MMP26: variants seen among roughly 807,000 people sequenced by gnomAD.
MMP26 encodes matrix metalloproteinase-26.
MMP26 carries 33 observed loss-of-function variants against 31.0 expected under a neutral mutation model. The ratio of observed to expected loss-of-function variants is 1.06; its 90% CI spans 0.81 to 1.42. The LOEUF is 1.42. Among genes scored for constraint, MMP26 ranks in the 40% most tolerant of loss-of-function variants. The pLI is 0.00. For missense variants in MMP26, 347 were observed against 316.1 expected, an observed-to-expected ratio of 1.10 and a Z score of -0.74; for synonymous variants, 122 against 114.9, an observed-to-expected ratio of 1.06 and a Z score of -0.40.
chr11:4,908,395 G>T, intron 2 of MMP26: 1 of 1,094,112 alleles, frequency 9.1e-7, no homozygotes, highest in Non-Finnish European at 1.4e-6. Context: ...AGTCACTAAT[G>T]AAGGACTGGA....
intron 2 of MMP26, among the ~76,000 whole-genome samples, chr11:4,805,392 G>A (rs1849253364): frequency 6.6e-6 from 1 of 152,162 alleles, no homozygotes; most frequent in Admixed American, 6.5e-5. Flanking sequence ...GGCCTATACT[G>A]TCTGTTGCAG....
intron 2 of MMP26, among the ~76,000 whole-genome samples, chr11:4,966,478 T>C (rs1048509468): frequency 2.0e-5 from 3 of 152,186 alleles, no homozygotes; most frequent in African/African-American, 7.2e-5. Flanking sequence ...TGAATGGCTC[T>C]GGTTAAACTG....
chr11:4,717,956 A>T (rs1847957817), intron 1 of MMP26, among the ~76,000 whole-genome samples: 1 of 152,166 alleles, frequency 6.6e-6, no homozygotes, highest in African/African-American at 2.4e-5. Context: ...ATATATTCTA[A>T]TTCTGGCTTA....
chr11:4,757,131 T>C (rs1848514413), intron 1 of MMP26, among the ~76,000 whole-genome samples: 1 of 152,108 alleles, frequency 6.6e-6, no homozygotes, highest in South Asian at 2.1e-4. Context: ...AGGACAGTCA[T>C]ACAGATTAAT....
intron 1 of MMP26, among the ~76,000 whole-genome samples, chr11:4,765,802 T>C (rs1471765655): frequency 1.3e-5 from 2 of 152,234 alleles, no homozygotes; most frequent in Non-Finnish European, 2.9e-5. Context: ...CTGTGCACTT[T>C]TATGGAAAAT....
chr11:4,849,573 AT>A (rs1240591889), intron 2 of MMP26, among the ~76,000 whole-genome samples: 1 of 151,504 alleles, frequency 6.6e-6, no homozygotes, highest in Non-Finnish European at 1.5e-5. Context: ...ATTTATCCAT[AT>A]TTTTTTCTCT....
At position 4,836,427 on chromosome 11, in the gene MMP26, A is replaced by G. The variant is rs1235520972; in HGVS notation, c.-145+69086A>G. Among the ~76,000 whole-genome samples, 5 of 150,686 alleles carry G rather than the reference A, an allele frequency of 3.3e-5. No homozygotes were observed. The East Asian group carries it at 9.7e-4, about 29-fold the overall frequency. ...CAGATATACATTGTATATTATATAT[A>G]CACAATATTATATATACATATAATT... On this transcript the variant is annotated intron_variant, in intron 2 of 7. Coordinates refer to ENST00000380390, the MANE Select transcript of MMP26 (RefSeq NM_021801.5).
intron 2 of MMP26, among the ~76,000 whole-genome samples, chr11:4,782,220 T>C (rs1435132192): frequency 1.3e-5 from 2 of 152,190 alleles, no homozygotes. Context: ...CCCTAGGGTC[T>C]TGTTGAATGG....
chr11:4,938,528 C>T (rs933222649), intron 2 of MMP26, among the ~76,000 whole-genome samples: 2 of 151,974 alleles, frequency 1.3e-5, no homozygotes, highest in African/African-American at 2.4e-5. Flanking sequence ...TGCTTCCTCA[C>T]CCAGGAGTTT....
intron 2 of MMP26, among the ~76,000 whole-genome samples, chr11:4,872,719 A>T: frequency 6.6e-6 from 1 of 151,950 alleles, no homozygotes; most frequent in East Asian, 1.9e-4. Flanking sequence ...AGAGTATGGA[A>T]GTGAAGTTCA....
chr11:4,850,616 AAAAC>A (rs1849961485), intron 2 of MMP26, among the ~76,000 whole-genome samples: 1 of 152,158 alleles, frequency 6.6e-6, no homozygotes, highest in Non-Finnish European at 1.5e-5. Context: ...GTAAAATAAA[AAAAC>A]TTGCTAGGTT....
At chr11:4,820,912 C>G (rs1475743897) in intron 2 of MMP26, among the ~76,000 whole-genome samples, 3 of 152,002 alleles carry the variant, frequency 2.0e-5, no homozygotes, top group Non-Finnish European at 4.4e-5. Flanking sequence ...TTTGGGCCAC[C>G]CTATTACCAC....
chr11:4,813,835 AT>A (rs1371196770), intron 2 of MMP26, among the ~76,000 whole-genome samples: 6 of 152,062 alleles, frequency 3.9e-5, no homozygotes, highest in African/African-American at 9.7e-5. Context: ...ATAAAAAAAA[AT>A]CTCCTTCAAA....
intron 2 of MMP26, among the ~76,000 whole-genome samples, chr11:4,827,847 AC>A (rs1250208094): frequency 1.3e-5 from 2 of 151,328 alleles, no homozygotes. Flanking sequence ...AAAAAAAAAC[AC>A]AACACAACAA....
chr11:4,914,749 C>T, intron 2 of MMP26: 1 of 1,613,316 alleles, frequency 6.2e-7, no homozygotes, highest in Admixed American at 1.7e-5. Flanking sequence ...TCACTCGATC[C>T]CGGATCTGTT....
chr11:4,959,474 C>G (rs1846491527), intron 2 of MMP26, among the ~76,000 whole-genome samples: 1 of 152,072 alleles, frequency 6.6e-6, no homozygotes, highest in African/African-American at 2.4e-5. Flanking sequence ...GATTGAAACA[C>G]AATCCCTGCC....
At chr11:4,983,829 T>C (rs1846848525) in intron 2 of MMP26, among the ~76,000 whole-genome samples, 1 of 152,220 alleles carries the variant, frequency 6.6e-6, no homozygotes, top group African/African-American at 2.4e-5. Context: ...TCACCTAGGA[T>C]CTTGTTAGAA....
intron 2 of MMP26, among the ~76,000 whole-genome samples, chr11:4,886,459 C>T (rs1440634299): frequency 6.6e-6 from 1 of 152,016 alleles, no homozygotes; most frequent in Non-Finnish European, 1.5e-5. Flanking sequence ...AACATATAGC[C>T]CAATGCCTAG....
intron 2 of MMP26, among the ~76,000 whole-genome samples, chr11:4,814,867 C>CA (rs1849399392): frequency 6.6e-6 from 1 of 152,138 alleles, no homozygotes; most frequent in African/African-American, 2.4e-5. Flanking sequence ...AGACAGGTCT[C>CA]AATCAATTTA....
Sources: gnomAD v4.1 joint callset for allele counts (sites outside exome capture counted in the v4.1 genomes callset) on GRCh38, gnomAD v4.1.1 for gene constraint, MANE v1.5 for transcripts, NCBI Gene and HGNC (gene_info 2026-07-23, HGNC 2026-07-21) for gene names.